NEGR1: variants seen among roughly 807,000 people sequenced by gnomAD.
The protein encoded by NEGR1 is neuronal growth regulator 1.
In NEGR1, 10 loss-of-function variants were observed where a neutral mutation model predicts 40.9. The ratio of observed to expected loss-of-function variants is 0.24; its 90% CI spans 0.15 to 0.42. NEGR1 has a LOEUF of 0.42. NEGR1 is among the 10% of genes least tolerant of loss of function. NEGR1 has a pLI of 1.00. For synonymous variants in NEGR1, 185 were observed against 166.8 expected, an observed-to-expected ratio of 1.11 and a Z score of -0.84; for missense variants, 352 against 438.9, an observed-to-expected ratio of 0.80 and a Z score of 1.77.
intron 4 of NEGR1, among the ~76,000 whole-genome samples, chr1:71,637,170 G>A (rs1464924762): frequency 6.6e-6 from 1 of 151,932 alleles, no homozygotes; most frequent in Non-Finnish European, 1.5e-5. Context: ...ATTATAGTTT[G>A]GTCTTCCCTA....
chr1:72,061,642 T>C lies in NEGR1; in HGVS notation c.177-126331A>G, dbSNP rs542501957. Among the ~76,000 whole-genome samples the C allele has an allele frequency of 3.3e-5, 5 of 151,920 alleles. No individual in the cohort carries two copies. The South Asian group carries it at 1.0e-3, about 31-fold the overall frequency. On this transcript the variant is annotated intron_variant, in intron 1 of 6. Transcript: ENST00000357731. ...TTTTATCCACCAAACAACATGTAGC[T>C]GGAACAAGAAGGAAGGGGGAATAGC...
intron 2 of NEGR1, among the ~76,000 whole-genome samples, chr1:71,928,306 A>G (rs1369787012): frequency 2.2e-5 from 3 of 134,842 alleles, no homozygotes; most frequent in East Asian, 2.1e-4. Context: ...ATGTATATAT[A>G]CACACATATG....
At position 71,688,325 on chromosome 1, in the gene NEGR1, T is replaced by TATATATATATATATATATATAG. The variant is rs1475341609; in HGVS notation, c.667+9682_667+9683insCTATATATATATATATATATAT. ...TTCCCTTTTCATATATATATATATATATAGATAGATAGATAGATAGATAGA... is the reference window on the plus strand; with the variant it reads ...TTCCCTTTTCATATATATATATATATATATATATATATATATATATAGATAGATAGATAGATAGATAGATAGA... On this transcript the variant is annotated intron_variant, in intron 4 of 6. Transcript: ENST00000357731. Among the ~76,000 whole-genome samples, 24 of 103,204 alleles carry TATATATATATATATATATATAG rather than the reference T, an allele frequency of 2.3e-4. 1 individual carries two copies. Among genetic ancestry groups the TATATATATATATATATATATAG allele is most frequent in the Non-Finnish European group, 3.8e-4 (20 of 52,446 alleles). 67.7% of individuals were successfully genotyped at this position (103,204 alleles called of 152,430 possible).
At chr1:71,696,314 C>T (rs1332628978) in intron 4 of NEGR1, among the ~76,000 whole-genome samples, 1 of 151,602 alleles carries the variant, frequency 6.6e-6, no homozygotes, top group Non-Finnish European at 1.5e-5. Context: ...AGTGTTAATC[C>T]AAAAACAATT....
chr1:72,259,147 G>A (rs1358995671), intron 1 of NEGR1, among the ~76,000 whole-genome samples: 1 of 152,158 alleles, frequency 6.6e-6, no homozygotes, highest in Non-Finnish European at 1.5e-5. Context: ...TCAGGCTAAA[G>A]TTTGCAGTGT....
Position 71,396,844 on chromosome 1 carries a change from T to A in NEGR1, c.*10602A>T, listed in dbSNP as rs2101242874. 6.4e-6 allele frequency: 1 copy of A among 156,372 alleles called. No individual in the cohort carries two copies. The highest frequency in any genetic ancestry group is 2.0e-4 in the South Asian group (1 of 4,930). 9.7% of individuals were successfully genotyped at this position (156,372 alleles called of 1,614,324 possible). A position where few individuals can be genotyped will look rare whatever the true frequency, so the allele number is the denominator to read the frequency against. ...TGATAAACCTCTTTCTTTTGTAAAT[T>A]GCCCAGCCTCAGGTATGTCTTTATC... On this transcript the variant is annotated 3_prime_UTR_variant, in exon 7 of 7. Coordinates refer to ENST00000357731, the MANE Select transcript of NEGR1 (RefSeq NM_173808.3).
chr1:72,282,225 A>G, intron 1 of NEGR1, 94 bp downstream of exon 1: 1 of 1,387,538 alleles, frequency 7.2e-7, no homozygotes, highest in Non-Finnish European at 9.9e-7. Flanking sequence ...CACCACCAGC[A>G]TTATTGCTTG....
intron 2 of NEGR1, among the ~76,000 whole-genome samples, chr1:71,780,040 C>CAAAAAAAAAAAAAAAAA (rs57576840): frequency 5.6e-4 from 56 of 99,738 alleles, no homozygotes; most frequent in African/African-American, 9.4e-4. Flanking sequence ...ATAGGAAAAC[C>CAAAAAAAAAAAAAAAAA]AAAAAAAAAA....
intron 4 of NEGR1, among the ~76,000 whole-genome samples, chr1:71,648,616 T>C (rs749398675): frequency 1.7e-4 from 26 of 152,036 alleles, no homozygotes; most frequent in Non-Finnish European, 2.8e-4. Flanking sequence ...ACTTAACTGC[T>C]CAGTTTCCTC....
intron 4 of NEGR1, among the ~76,000 whole-genome samples, chr1:71,680,088 A>C (rs1189430447): frequency 6.6e-6 from 1 of 152,000 alleles, no homozygotes; most frequent in Admixed American, 6.6e-5. Flanking sequence ...ATTTCCTTCT[A>C]ATCTCAAATA....
At chr1:72,182,940 A>G (rs1652442243) in intron 1 of NEGR1, among the ~76,000 whole-genome samples, 1 of 152,010 alleles carries the variant, frequency 6.6e-6, no homozygotes, top group South Asian at 2.1e-4. Context: ...GTTTCACATA[A>G]TATCATACAG....
At chr1:72,270,518 C>A (rs2100557467) in intron 1 of NEGR1, among the ~76,000 whole-genome samples, 1 of 151,952 alleles carries the variant, frequency 6.6e-6, no homozygotes, top group East Asian at 1.9e-4. Context: ...GCTACACTAT[C>A]CAGAATCCAG....
chr1:71,908,174 T>C (rs1661329694), intron 2 of NEGR1, among the ~76,000 whole-genome samples: 1 of 123,168 alleles, frequency 8.1e-6, no homozygotes, highest in South Asian at 2.5e-4. Context: ...AAATTGTTTA[T>C]AAAAATGATA....
chr1:71,843,546 T>A (rs1025367385), intron 2 of NEGR1, among the ~76,000 whole-genome samples: 2 of 152,096 alleles, frequency 1.3e-5, no homozygotes, highest in Non-Finnish European at 1.5e-5. Context: ...CTGTTCCTAG[T>A]GTTAGAAGGG....
chr1:72,078,113 G>A (rs1399826712), intron 1 of NEGR1, among the ~76,000 whole-genome samples: 1 of 152,108 alleles, frequency 6.6e-6, no homozygotes. Context: ...TAGTCAGTCA[G>A]CCTGGTTTTT....
chr1:71,706,069 T>G (rs1653885483), intron 3 of NEGR1, among the ~76,000 whole-genome samples: 1 of 152,206 alleles, frequency 6.6e-6, no homozygotes, highest in Non-Finnish European at 1.5e-5. Flanking sequence ...AAAGAAGTAC[T>G]GAAGAGATTT....
At chr1:71,684,142 C>G (rs987116427) in intron 4 of NEGR1, among the ~76,000 whole-genome samples, 1 of 151,772 alleles carries the variant, frequency 6.6e-6, no homozygotes, top group South Asian at 2.1e-4. Flanking sequence ...TGGTGGTGGG[C>G]GCCTGTAGTC....
intron 1 of NEGR1, among the ~76,000 whole-genome samples, chr1:72,070,380 A>T (rs1647410883): frequency 6.6e-6 from 1 of 151,926 alleles, no homozygotes. Flanking sequence ...GAGTCGTAGG[A>T]GTAGTAGGAT....
At chr1:71,652,199 G>A (rs538003661) in intron 4 of NEGR1, among the ~76,000 whole-genome samples, 125 of 152,258 alleles carry the variant, frequency 8.2e-4, no homozygotes, top group African/African-American at 2.9e-3. Context: ...CCAATTGCTT[G>A]AGAAATACTT....
Sources: gnomAD v4.1 joint callset for allele counts (sites outside exome capture counted in the v4.1 genomes callset) on GRCh38, gnomAD v4.1.1 for gene constraint, MANE v1.5 for transcripts, NCBI Gene and HGNC (gene_info 2026-07-23, HGNC 2026-07-21) for gene names.